Variants in E2F4 observed in about 807,000 individuals in gnomAD.
E2F4 encodes transcription factor E2F4.
E2F4 carries 16 observed loss-of-function variants against 44.5 expected under a neutral mutation model. The observed-to-expected ratio is 0.36, with a 90% CI of 0.24 to 0.55. The LOEUF (loss-of-function observed/expected upper bound fraction) is 0.55, where lower values mean the gene tolerates loss of function less well. E2F4 is among the 20% of genes least tolerant of loss of function. The pLI is 0.87. For synonymous variants in E2F4, 242 were observed against 207.2 expected, an observed-to-expected ratio of 1.17 and a Z score of -1.44; for missense variants, 473 against 522.1, an observed-to-expected ratio of 0.91 and a Z score of 0.92.
chr16:67,198,775 A>C lies in E2F4; in HGVS notation c.*652A>C. On this transcript the variant is annotated 3_prime_UTR_variant, in exon 10 of 10. Transcript: ENST00000379378. ...CATTTCGGCTTTTTCATTTACCCTC[A>C]TTTAGAGCCATTTGCAGAGATTTAG... 4.8e-6 allele frequency: 1 copy of C among 209,510 alleles called. No homozygotes were observed. The highest frequency in any genetic ancestry group is 9.6e-6 in the Non-Finnish European group (1 of 103,902). The allele number at this position is 209,510 out of a possible 1,614,324, so 13.0% of individuals were successfully genotyped here.
Position 67,195,838 on chromosome 16 carries a change from C to T in E2F4, c.865C>T (p.Leu289=), listed in dbSNP as rs1358091243. 1 of 1,614,048 alleles carries T rather than the reference C, an allele frequency of 6.2e-7. No homozygotes were observed. The highest frequency in any genetic ancestry group is 1.3e-5 in the African/African-American group (1 of 74,898). ...CAGTGGTGAGCTCAGTTCACTCCCACTGGGCCCAACAACACTGGACACCCG... is the reference window on the plus strand; with the variant it reads ...CAGTGGTGAGCTCAGTTCACTCCCATTGGGCCCAACAACACTGGACACCCG... The part of the protein sequence containing the change: ...KDSGELSSLP[L]GPTTLDTRPL... Residue 289 remains leucine (L), a synonymous_variant, in exon 7 of 10, where the codon CTG becomes TTG. Coordinates refer to ENST00000379378, the MANE Select transcript of E2F4 (RefSeq NM_001950.4).
chr16:67,192,772 C>T lies in E2F4; in HGVS notation c.147C>T (p.Thr49=), dbSNP rs1459465842. Residue 49 remains threonine, a synonymous_variant, in exon 2 of 10, where the codon ACC becomes ACT. Coordinates refer to ENST00000379378, the MANE Select transcript of E2F4 (RefSeq NM_001950.4). ...GVLDLKLAAD[T]LAVRQKRRIY... is the part of the protein sequence containing the mutation. ...ATTCTCTCTGCCAGGCAGCTGACAC[C>T]CTAGCTGTACGCCAGAAGCGGCGGA... is the stretch of plus-strand genomic sequence containing the variant. The T allele has an allele frequency of 1.9e-6, 3 of 1,610,990 alleles. No homozygotes were observed. The highest frequency in any genetic ancestry group is 2.2e-5 in the East Asian group (1 of 44,816).
At position 67,194,529 on chromosome 16, in the gene E2F4, G is replaced by C. The variant is rs933217451; in HGVS notation, c.513+70G>C. ...CTGGCTGTGGAGCCTGATAAGTCCT[G>C]GGTGGGGCAAGTAGGGGGAGGCCTG... On this transcript the variant is annotated intron_variant, in intron 5 of 9. Transcript: ENST00000379378. The C allele has an allele frequency of 2.2e-5, 36 of 1,600,132 alleles. No individual in the cohort carries two copies. In the African/African-American group the frequency reaches 4.6e-4, roughly 20 times the overall value.
At chr16:67,197,942 T>A (rs1270145142) in intron 9 of E2F4, 31 bp downstream of exon 9, 1 of 1,613,938 alleles carries the variant, frequency 6.2e-7, no homozygotes, top group Non-Finnish European at 8.5e-7. Context: ...GGAGTGGGTG[T>A]GGGCAGGGGT....
At position 67,195,954 on chromosome 16, in the gene E2F4, C is replaced by T. The variant is rs147869928; in HGVS notation, c.981C>T (p.Ser327=). ...SSSNSNSSSS[S]GPNPSTSFEP... is the part of the protein sequence containing the mutation. ...GCAACAGTAACAGCAGCAGTTCGTC[C>T]GGACCCAACCCTTCTACCTCCTTTG... Residue 327 remains serine, a synonymous_variant, in exon 7 of 10, where the codon TCC becomes TCT. Coordinates refer to ENST00000379378, the MANE Select transcript of E2F4 (RefSeq NM_001950.4). 4.3e-5 allele frequency: 69 copies of T among 1,614,132 alleles called. 1 individual carries two copies. The African/African-American group carries it at 4.8e-4, about 11-fold the overall frequency.
intron 8 of E2F4, 54 bp downstream of exon 8, chr16:67,197,700 G>A: frequency 6.2e-7 from 1 of 1,605,892 alleles, no homozygotes; most frequent in African/African-American, 1.3e-5. Context: ...AGCTCATTGG[G>A]TCCTATGGCT....
chr16:67,194,334 G>A, intron 4 of E2F4, 64 bp from the exon 5 acceptor site: 1 of 1,575,468 alleles, frequency 6.3e-7, no homozygotes, highest in Non-Finnish European at 8.7e-7. Context: ...CCAAAAGGCA[G>A]GCACCTCTGT....
At chr16:67,193,223 C>T in intron 3 of E2F4, 53 bp downstream of exon 3, 3 of 1,539,216 alleles carry the variant, frequency 1.9e-6, no homozygotes, top group South Asian at 1.2e-5. Context: ...CCCTCTGGTT[C>T]AACTTGCCCT....
chr16:67,197,949 G>A lies in E2F4; in HGVS notation c.1126+38G>A. On this transcript the variant is annotated intron_variant, in intron 9 of 9. Transcript: ENST00000379378. ...GGAAGGTGGGAGTGGGTGTGGGCAG[G>A]GGTTGGGCTGCTGCTAGGGGAGCCC... The A allele has an allele frequency of 1.9e-6, 3 of 1,614,144 alleles. No individual in the cohort carries two copies. The South Asian group carries it at 3.3e-5, about 18-fold the overall frequency.
intron 1 of E2F4, 47 bp downstream of exon 1, chr16:67,192,409 C>G: frequency 7.0e-7 from 1 of 1,418,570 alleles, no homozygotes; most frequent in Middle Eastern, 2.5e-4. Context: ...TGGACCAGGC[C>G]TGGGCCGGTA....
rs746577605 is a variant in E2F4, at chr16:67,198,472, G to C, written c.*349G>C. 41 of 274,040 alleles carry C rather than the reference G, an allele frequency of 1.5e-4. No homozygotes were observed. The highest frequency in any genetic ancestry group is 2.6e-4 in the Non-Finnish European group (37 of 141,122). The allele number at this position is 274,040 out of a possible 1,614,324, so 17.0% of individuals were successfully genotyped here. A position where few individuals can be genotyped will look rare whatever the true frequency, so the allele number is the denominator to read the frequency against. On this transcript the variant is annotated 3_prime_UTR_variant, in exon 10 of 10. Transcript: ENST00000379378. Reference sequence around the variant, plus strand: ...CAGTGTCTTGTTCCTGCCAGCCTCAGTGTCTTGCTTCTGCCAGCTCCTTCC... The same window carrying C: ...CAGTGTCTTGTTCCTGCCAGCCTCACTGTCTTGCTTCTGCCAGCTCCTTCC...
rs1235805957 is a variant in E2F4, at chr16:67,198,051, C to T, written c.1170C>T (p.His390=). Residue 390 remains histidine (H), a synonymous_variant, in exon 10 of 10, where the codon CAC becomes CAT. Transcript: ENST00000379378. ...LLRLSPPPGD[H]DYIYNLDESE... ...GTCTTTCTCCACCCCCGGGAGACCA[C>T]GATTATATCTACAACCTGGACGAGA... 1.9e-6 allele frequency: 3 copies of T among 1,614,110 alleles called. No individual in the cohort carries two copies. Among genetic ancestry groups the T allele is most frequent in the South Asian group, 1.1e-5 (1 of 91,088 alleles).
chr16:67,195,484 G>A (rs1022157328), intron 6 of E2F4, among the ~76,000 whole-genome samples: 1 of 152,174 alleles, frequency 6.6e-6, no homozygotes, highest in Non-Finnish European at 1.5e-5. Context: ...GCCATTGCTG[G>A]TGGCAGTTTT....
rs755790677 is a variant in E2F4, at chr16:67,192,232, C to G, written c.5C>G (p.Ala2Gly). Residue 2 changes from alanine (A) to glycine (G), a missense_variant, in exon 1 of 10, where the codon GCG becomes GGG. This residue lies in a region of E2F4 where 40 missense variants were observed against 30.8 expected (regional missense o/e 1.30). Coordinates refer to ENST00000379378, the MANE Select transcript of E2F4 (RefSeq NM_001950.4). M[A>G]EAGPQAPPPP... ...GGGAGGCGGCGGGCGGGCGCGATGG[C>G]GGAGGCCGGGCCACAGGCGCCGCCG... is the stretch of plus-strand genomic sequence containing the variant. 8.7e-6 allele frequency: 10 copies of G among 1,142,920 alleles called. No homozygotes were observed. The East Asian group carries it at 3.3e-4, about 38-fold the overall frequency. The allele number at this position is 1,142,920 out of a possible 1,614,324, so 70.8% of individuals were successfully genotyped here. A position where few individuals can be genotyped will look rare whatever the true frequency, so the allele number is the denominator to read the frequency against.
At chr16:67,192,570 G>A in intron 1 of E2F4, 191 bp from the exon 2 acceptor site, 1 of 972,458 alleles carries the variant, frequency 1.0e-6, no homozygotes, top group Non-Finnish European at 1.5e-6. Flanking sequence ...GCAGGTGTTC[G>A]TCCTCGTGGC....
At chr16:67,196,124 G>A (rs2032966404) in intron 7 of E2F4, 118 bp downstream of exon 7, 1 of 1,459,868 alleles carries the variant, frequency 6.8e-7, no homozygotes, top group African/African-American at 1.4e-5. Flanking sequence ...GGACACGAGA[G>A]CTCTCTGCCA....
Position 67,196,025 on chromosome 16 carries a change from GGGGCAGAGAGA to G in E2F4, c.1033+21_1033+31del, listed in dbSNP as rs2032964674. The G allele has an allele frequency of 6.2e-7, 1 of 1,612,634 alleles. No individual in the cohort carries two copies. The highest frequency in any genetic ancestry group is 1.3e-5 in the African/African-American group (1 of 74,866). On this transcript the variant is annotated intron_variant, in intron 7 of 9. Coordinates refer to ENST00000379378, the MANE Select transcript of E2F4 (RefSeq NM_001950.4). ...ACAGGTGGTGAGTACCTGCCCCCTG[GGGGCAGAGAGA>G]GAGAGTCTAGCCTCAGTCCAGTCCT...
intron 4 of E2F4, chr16:67,194,126 A>C (rs1452685236): frequency 8.6e-6 from 4 of 462,484 alleles, no homozygotes; most frequent in African/African-American, 6.0e-5. Context: ...GAACACCCTC[A>C]CCTAGGGATC....
At chr16:67,193,759 C>T (rs1274823421) in intron 4 of E2F4, among the ~76,000 whole-genome samples, 1 of 152,086 alleles carries the variant, frequency 6.6e-6, no homozygotes, top group Non-Finnish European at 1.5e-5. Context: ...CTACTGTTTC[C>T]TGGATTTGGC....
Sources: gnomAD v4.1 joint callset for allele counts (sites outside exome capture counted in the v4.1 genomes callset) on GRCh38, gnomAD v4.1.1 for gene constraint, gnomAD v4.1.1 regional missense constraint, MANE v1.5 for transcripts, NCBI Gene and HGNC (gene_info 2026-07-23, HGNC 2026-07-21) for gene names.